MAGI3: variants seen among roughly 807,000 people sequenced by gnomAD.
MAGI3 encodes membrane associated guanylate kinase, WW and PDZ domain containing 3, also known as membrane-associated guanylate kinase, WW and PDZ domain-containing protein 3.
In MAGI3, 43 loss-of-function variants were observed where a neutral mutation model predicts 121.8. The observed-to-expected ratio is 0.35, with a 90% CI of 0.28 to 0.46. The LOEUF is 0.46. Among genes scored for constraint, MAGI3 ranks in the 20% least tolerant of loss-of-function variants. The pLI is 1.00. For missense variants in MAGI3, 1,547 were observed against 1,797.3 expected (o/e 0.86, Z 2.52); for synonymous variants, 553 against 639.3 (o/e 0.86, Z 2.04).
intron 6 of MAGI3, among the ~76,000 whole-genome samples, chr1:113,598,785 A>T (rs1003916557): frequency 6.6e-6 from 1 of 152,176 alleles, no homozygotes; most frequent in Non-Finnish European, 1.5e-5. Flanking sequence ...GAAAATCAGC[A>T]AACACTGGAC....
intron 2 of MAGI3, among the ~76,000 whole-genome samples, chr1:113,559,701 G>A (rs1310323136): frequency 1.3e-5 from 2 of 152,032 alleles, no homozygotes; most frequent in African/African-American, 4.8e-5. Context: ...CTGAATAGCT[G>A]GGACTATAGG....
chr1:113,411,316 C>G (rs1651966148), intron 1 of MAGI3, among the ~76,000 whole-genome samples: 3 of 152,034 alleles, frequency 2.0e-5, no homozygotes, highest in Admixed American at 2.0e-4. Context: ...GGCACATACA[C>G]AAATCATCTT....
At position 113,683,280 on chromosome 1, in the gene MAGI3, A is replaced by G; in HGVS notation, c.3712A>G (p.Lys1238Glu). ...ASQHSEEHLD[K>E]IPSPLKNNPK... The stretch of plus-strand genomic sequence containing the variant: ...TCAACATTCAGAGGAACATTTGGAT[A>G]AGATTCCTAGTCCTCTAAAAAATAA... The change falls in exon 21 of 21, where the codon AAG (lysine) becomes GAG (glutamate). Residue 1238 changes from lysine (K) to glutamate (E), a missense_variant. By Grantham distance (56) the Lys-to-Glu change is moderately conservative. Coordinates refer to ENST00000307546, the MANE Select transcript of MAGI3 (RefSeq NM_001142782.2). 6.2e-7 allele frequency: 1 copy of G among 1,613,036 alleles called. No individual in the cohort carries two copies. Among genetic ancestry groups the G allele is most frequent in the Non-Finnish European group, 8.5e-7 (1 of 1,179,676 alleles).
chr1:113,621,505 A>G (rs1419602447), intron 8 of MAGI3, among the ~76,000 whole-genome samples: 2 of 152,170 alleles, frequency 1.3e-5, no homozygotes, highest in Non-Finnish European at 2.9e-5. Flanking sequence ...TAATTACCAT[A>G]TATTTATAGT....
Position 113,604,459 on chromosome 1 carries a change from C to T in MAGI3, c.1018+9899C>T, listed in dbSNP as rs376662528. On this transcript the variant is annotated intron_variant, in intron 6 of 20. Transcript: ENST00000307546. Reference sequence around the variant, plus strand: ...GCATGCACCTGTAATCCCACCTACTCGGGAGGCTGAGGCAGGAGAATCGCT... The same window carrying T: ...GCATGCACCTGTAATCCCACCTACTTGGGAGGCTGAGGCAGGAGAATCGCT... Among the ~76,000 whole-genome samples, 21 of 148,264 alleles carry T rather than the reference C, an allele frequency of 1.4e-4. No individual in the cohort carries two copies. The East Asian group carries it at 2.9e-3, about 21-fold the overall frequency.
chr1:113,684,256 C>A lies in MAGI3; in HGVS notation c.*242C>A. The A allele has an allele frequency of 2.8e-6, 1 of 352,568 alleles. No homozygotes were observed. Among genetic ancestry groups the A allele is most frequent in the Non-Finnish European group, 5.1e-6 (1 of 196,242 alleles). The allele number at this position is 352,568 out of a possible 1,614,324, so 21.8% of individuals were successfully genotyped here. On this transcript the variant is annotated 3_prime_UTR_variant, in exon 21 of 21. Transcript: ENST00000307546. ...GCATCCACATGCTCATCTGACCCGC[C>A]CTGCTCAGGCTGCCCAGCTCGTCTT... is the stretch of plus-strand genomic sequence containing the variant.
chr1:113,654,097 A>G, intron 15 of MAGI3, 79 bp downstream of exon 15: 1 of 1,167,050 alleles, frequency 8.6e-7, no homozygotes, highest in East Asian at 2.5e-5. Flanking sequence ...TGAAATAATT[A>G]GGAGCTATGT....
intron 1 of MAGI3, among the ~76,000 whole-genome samples, chr1:113,527,182 T>C (rs1658492295): frequency 6.6e-6 from 1 of 152,110 alleles, no homozygotes; most frequent in African/African-American, 2.4e-5. Flanking sequence ...GAGCCAAGGC[T>C]AACTCCTAGA....
chr1:113,408,178 T>C (rs1292943899), intron 1 of MAGI3, among the ~76,000 whole-genome samples: 4 of 152,166 alleles, frequency 2.6e-5, no homozygotes, highest in African/African-American at 9.7e-5. Flanking sequence ...GACTTCTGTG[T>C]CAATTTTCTG....
At chr1:113,665,523 C>T (rs1258996943) in intron 16 of MAGI3, among the ~76,000 whole-genome samples, 1 of 151,890 alleles carries the variant, frequency 6.6e-6, no homozygotes, top group Non-Finnish European at 1.5e-5. Context: ...TTATTAAGCT[C>T]CTCCAAAAAA....
intron 2 of MAGI3, among the ~76,000 whole-genome samples, chr1:113,575,097 A>G (rs1274057555): frequency 1.3e-5 from 2 of 152,072 alleles, no homozygotes; most frequent in African/African-American, 2.4e-5. Flanking sequence ...GTAACCTTTT[A>G]TCAATGCTCT....
intron 16 of MAGI3, among the ~76,000 whole-genome samples, chr1:113,663,096 G>A (rs1482892167): frequency 6.6e-6 from 1 of 152,008 alleles, no homozygotes; most frequent in African/African-American, 2.4e-5. Flanking sequence ...GTGATGGCAT[G>A]TGCCTGTAAT....
At chr1:113,425,764 C>A (rs1262078376) in intron 1 of MAGI3, among the ~76,000 whole-genome samples, 1 of 152,076 alleles carries the variant, frequency 6.6e-6, no homozygotes, top group Non-Finnish European at 1.5e-5. Flanking sequence ...GACCCTGTTT[C>A]ATTCCTGACA....
intron 9 of MAGI3, among the ~76,000 whole-genome samples, chr1:113,635,698 G>T (rs1488951345): frequency 1.3e-5 from 2 of 152,222 alleles, no homozygotes; most frequent in East Asian, 3.9e-4. Flanking sequence ...TTTTTTGGTT[G>T]TGTCTCTGCC....
chr1:113,623,298 C>T (rs1650958845), intron 9 of MAGI3, among the ~76,000 whole-genome samples: 1 of 151,330 alleles, frequency 6.6e-6, no homozygotes, highest in Non-Finnish European at 1.5e-5. Context: ...TATAAACAAC[C>T]CGTTTATACT....
chr1:113,491,732 A>T (rs1393363006), intron 1 of MAGI3, among the ~76,000 whole-genome samples: 1 of 152,208 alleles, frequency 6.6e-6, no homozygotes, highest in Non-Finnish European at 1.5e-5. Context: ...AGAGAATATT[A>T]TGAACACCTC....
At chr1:113,466,355 G>T (rs754360317) in intron 1 of MAGI3, among the ~76,000 whole-genome samples, 1 of 152,080 alleles carries the variant, frequency 6.6e-6, no homozygotes, top group Non-Finnish European at 1.5e-5. Context: ...CATGGTGAAT[G>T]ATCTTTTTAA....
chr1:113,395,667 A>G (rs1266446690), intron 1 of MAGI3, among the ~76,000 whole-genome samples: 1 of 151,942 alleles, frequency 6.6e-6, no homozygotes, highest in Non-Finnish European at 1.5e-5. Flanking sequence ...GCATATATGT[A>G]TATGTATATA....
chr1:113,407,385 C>A (rs1270369549), intron 1 of MAGI3, among the ~76,000 whole-genome samples: 1 of 152,026 alleles, frequency 6.6e-6, no homozygotes, highest in African/African-American at 2.4e-5. Flanking sequence ...TTCAAGAGAA[C>A]CTCTAGGTTT....
Sources: allele counts gnomAD v4.1 joint callset (sites outside exome capture counted in the v4.1 genomes callset), GRCh38; gene constraint gnomAD v4.1.1; transcripts MANE v1.5; gene names NCBI Gene and HGNC (gene_info 2026-07-23, HGNC 2026-07-21).